GRAMD1B: variants seen among roughly 807,000 people sequenced by gnomAD.
GRAMD1B encodes GRAM domain containing 1B, also known as protein Aster-B.
Under a neutral mutation model 99.7 loss-of-function variants are expected in GRAMD1B, and 37 were observed. That is an observed-to-expected ratio of 0.37 (90% CI 0.29 to 0.49). The LOEUF is 0.49. GRAMD1B is among the 20% of genes least tolerant of loss of function. The pLI, the probability that GRAMD1B is intolerant of heterozygous loss-of-function variation, is 0.98. For synonymous variants in GRAMD1B, 427 were observed against 387.6 expected (o/e 1.10, Z -1.19); for missense variants, 888 against 1,009.2 (o/e 0.88, Z 1.63).
At chr11:123,434,323 T>C (rs1248507080) in intron 1 of GRAMD1B, among the ~76,000 whole-genome samples, 2 of 151,480 alleles carry the variant, frequency 1.3e-5, no homozygotes, top group African/African-American at 4.9e-5. Flanking sequence ...TTCAAATTCG[T>C]GTGACTCACA....
At chr11:123,571,644 G>T (rs1948110705) in intron 2 of GRAMD1B, among the ~76,000 whole-genome samples, 2 of 152,140 alleles carry the variant, frequency 1.3e-5, no homozygotes, top group South Asian at 4.1e-4. Flanking sequence ...TGGCTTAAAG[G>T]TGGCTGGTGG....
At chr11:123,360,787 C>CCTTCCTTG (rs1946117627) in intron 1 of GRAMD1B, among the ~76,000 whole-genome samples, 1 of 118,894 alleles carries the variant, frequency 8.4e-6, no homozygotes, top group Admixed American at 8.5e-5. Context: ...TTCCTTCCTT[C>CCTTCCTTG]CTTCCTTCCT....
At chr11:123,599,179 T>A (rs1418295238) in intron 7 of GRAMD1B, 6 of 775,864 alleles carry the variant, frequency 7.7e-6, no homozygotes, top group Admixed American at 5.1e-5. Flanking sequence ...TGGAATTCCT[T>A]TATTTGCTTG....
At chr11:123,522,571 G>A (rs1056922438) in intron 2 of GRAMD1B, among the ~76,000 whole-genome samples, 7 of 152,032 alleles carry the variant, frequency 4.6e-5, no homozygotes, top group Admixed American at 6.6e-5. Flanking sequence ...CACCCATCTC[G>A]GCCTCCCAAA....
chr11:123,496,931 C>CT (rs1347006309), intron 2 of GRAMD1B, among the ~76,000 whole-genome samples: 1 of 152,130 alleles, frequency 6.6e-6, no homozygotes, highest in Non-Finnish European at 1.5e-5. Context: ...TCACATATCT[C>CT]TGTTTCTCCA....
intron 1 of GRAMD1B, among the ~76,000 whole-genome samples, chr11:123,397,395 A>T (rs1163860353): frequency 6.7e-6 from 1 of 150,046 alleles, no homozygotes; most frequent in African/African-American, 2.5e-5. Flanking sequence ...TGACAGAGCG[A>T]GACTCTGTCT....
chr11:123,553,070 A>C (rs1945787479), intron 2 of GRAMD1B, among the ~76,000 whole-genome samples: 1 of 152,226 alleles, frequency 6.6e-6, no homozygotes, highest in African/African-American at 2.4e-5. Flanking sequence ...ATCCTTCAAA[A>C]GCTCTGATAC....
chr11:123,492,100 G>A lies in GRAMD1B; in HGVS notation c.452+11207G>A, dbSNP rs947581895. 1.0e-5 allele frequency: 4 copies of A among 394,016 alleles called. No homozygotes were observed. Among genetic ancestry groups the A allele is most frequent in the Non-Finnish European group, 1.8e-5 (4 of 223,562 alleles). The allele number at this position is 394,016 out of a possible 1,614,324, so 24.4% of individuals were successfully genotyped here. A position where few individuals can be genotyped will look rare whatever the true frequency, so the allele number is the denominator to read the frequency against. On this transcript the variant is annotated intron_variant, in intron 2 of 19. Coordinates refer to ENST00000635736, the MANE Select transcript of GRAMD1B (RefSeq NM_001387025.1). This position sits in a 1 kb window ranked among gnomAD's most constrained non-coding sequence, Gnocchi z 4.2. ...TGAAGGGAAAGGCCAAGGGGTATGG[G>A]TGGCTGGGATGTTGACTGGGAGACT...
chr11:123,394,011 G>T (rs1468833902), intron 1 of GRAMD1B, among the ~76,000 whole-genome samples: 2 of 152,044 alleles, frequency 1.3e-5, no homozygotes, highest in East Asian at 1.9e-4. Flanking sequence ...CTCTGAAAAG[G>T]TCATCCTTAT....
intron 2 of GRAMD1B, among the ~76,000 whole-genome samples, chr11:123,524,593 G>A (rs1006247954): frequency 6.6e-6 from 1 of 152,116 alleles, no homozygotes; most frequent in Non-Finnish European, 1.5e-5. Context: ...CGCCTCCTTG[G>A]GCTCCCAAAG....
At chr11:123,391,303 C>A (rs931359480) in intron 1 of GRAMD1B, among the ~76,000 whole-genome samples, 19 of 152,336 alleles carry the variant, frequency 1.2e-4, no homozygotes, top group Non-Finnish European at 2.4e-4. Flanking sequence ...CTCTTTCTCT[C>A]ACCATTAGTG....
intron 1 of GRAMD1B, among the ~76,000 whole-genome samples, chr11:123,373,614 A>G (rs1439257926): frequency 6.6e-6 from 1 of 152,222 alleles, no homozygotes; most frequent in African/African-American, 2.4e-5. Flanking sequence ...CATTCTTTGA[A>G]AGAAGGAAAT....
chr11:123,396,948 A>T (rs546986637), intron 1 of GRAMD1B, among the ~76,000 whole-genome samples: 1 of 152,194 alleles, frequency 6.6e-6, no homozygotes, highest in South Asian at 2.1e-4. Flanking sequence ...CAAGCTGAGT[A>T]CTATTTTTTT....
intron 4 of GRAMD1B, among the ~76,000 whole-genome samples, chr11:123,586,150 T>A (rs1286954985): frequency 1.3e-5 from 2 of 152,274 alleles, no homozygotes; most frequent in East Asian, 3.9e-4. Flanking sequence ...TAGAAGCAGA[T>A]GCTGTCTCTT....
rs1332327845 is a variant in GRAMD1B, at chr11:123,518,317, G to A, written c.452+37424G>A. 2.6e-5 allele frequency among the ~76,000 whole-genome samples: 4 copies of A among 152,132 alleles called. No individual in the cohort carries two copies. The South Asian group carries it at 6.2e-4, about 24-fold the overall frequency. On this transcript the variant is annotated intron_variant, in intron 2 of 19. Transcript: ENST00000635736. ...GATTTTGGAGGTGAAGGGGAAAGTG[G>A]GATAGAGCGGGGAATCCTCTATGGG...
At chr11:123,552,878 T>G (rs1358388039) in intron 2 of GRAMD1B, among the ~76,000 whole-genome samples, 1 of 152,166 alleles carries the variant, frequency 6.6e-6, no homozygotes, top group African/African-American at 2.4e-5. Flanking sequence ...TCTTTTTATG[T>G]GGGAAATTAT....
chr11:123,565,958 T>C (rs564120334), intron 2 of GRAMD1B, among the ~76,000 whole-genome samples: 28 of 152,332 alleles, frequency 1.8e-4, no homozygotes, highest in African/African-American at 6.5e-4. Context: ...CCTGTGGATG[T>C]AGGAACTAGC....
At chr11:123,369,301 T>C (rs895335782) in intron 1 of GRAMD1B, among the ~76,000 whole-genome samples, 1 of 151,558 alleles carries the variant, frequency 6.6e-6, no homozygotes, top group Non-Finnish European at 1.5e-5. Context: ...ATCCCATCTC[T>C]AAAAAGAAAA....
chr11:123,419,225 G>A (rs1399902291), intron 1 of GRAMD1B, among the ~76,000 whole-genome samples: 2 of 152,322 alleles, frequency 1.3e-5, no homozygotes, highest in East Asian at 3.9e-4. Context: ...TCTTAGACTT[G>A]CAAGTGACCA....
Sources: gnomAD v4.1 joint callset for allele counts (sites outside exome capture counted in the v4.1 genomes callset) on GRCh38, gnomAD v4.1.1 for gene constraint, Gnocchi (gnomAD v3.1) non-coding constraint, MANE v1.5 for transcripts, NCBI Gene and HGNC (gene_info 2026-07-23, HGNC 2026-07-21) for gene names.